Variants in SEMA5B observed in about 807,000 individuals in gnomAD.
SEMA5B encodes semaphorin 5B.
In SEMA5B, 66 loss-of-function variants were observed where a neutral mutation model predicts 135.0. The observed-to-expected ratio is 0.49, with a 90% CI of 0.40 to 0.60. The LOEUF (loss-of-function observed/expected upper bound fraction) is 0.60, where lower values mean the gene tolerates loss of function less well. Ranked by LOEUF, SEMA5B falls within the 20% of genes least tolerant of loss-of-function variation. SEMA5B has a pLI of 0.00. For synonymous variants in SEMA5B, 690 were observed against 639.5 expected, an observed-to-expected ratio of 1.08 and a Z score of -1.19; for missense variants, 1,501 against 1,566.3, an observed-to-expected ratio of 0.96 and a Z score of 0.70.
At chr3:123,008,798 A>G (rs1374305605) in intron 1 of SEMA5B, among the ~76,000 whole-genome samples, 1 of 152,150 alleles carries the variant, frequency 6.6e-6, no homozygotes, top group Non-Finnish European at 1.5e-5. Flanking sequence ...TGGCTATCCA[A>G]GCAGCAGGTA....
intron 7 of SEMA5B, 36 bp downstream of exon 7, chr3:122,928,481 T>C: frequency 6.7e-7 from 1 of 1,496,980 alleles, no homozygotes; most frequent in Non-Finnish European, 9.0e-7. Flanking sequence ...CCCGGCATGG[T>C]GCCCCCTTCA....
intron 5 of SEMA5B, among the ~76,000 whole-genome samples, chr3:122,937,747 C>T (rs950665852): frequency 2.6e-5 from 4 of 152,204 alleles, no homozygotes; most frequent in African/African-American, 4.8e-5. Flanking sequence ...AGTCATCAAG[C>T]GCAGTCTTAA....
intron 15 of SEMA5B, 58 bp downstream of exon 15, chr3:122,913,800 C>A: frequency 2.6e-6 from 4 of 1,566,266 alleles, no homozygotes; most frequent in South Asian, 2.4e-5. Context: ...AGAATCCAGG[C>A]CACTTTCTGG....
intron 11 of SEMA5B, 31 bp from the exon 12 acceptor site, chr3:122,922,153 G>A (rs1404150108): frequency 6.5e-7 from 1 of 1,544,946 alleles, no homozygotes; most frequent in Non-Finnish European, 8.8e-7. Context: ...GACCAAGGTG[G>A]CCTTGAAGGC....
intron 1 of SEMA5B, among the ~76,000 whole-genome samples, chr3:123,003,322 C>T (rs551511917): frequency 1.3e-5 from 2 of 152,188 alleles, no homozygotes; most frequent in Admixed American, 6.5e-5. Flanking sequence ...ATTAGTTCAT[C>T]CACTCAGTAT....
intron 1 of SEMA5B, among the ~76,000 whole-genome samples, chr3:123,012,656 G>C (rs1379298443): frequency 6.6e-6 from 1 of 152,192 alleles, no homozygotes. Context: ...AGGTTAATTA[G>C]GTGTGCAGCC....
chr3:123,000,123 G>A (rs1013769209), intron 1 of SEMA5B, among the ~76,000 whole-genome samples: 5 of 152,172 alleles, frequency 3.3e-5, no homozygotes, highest in Admixed American at 6.5e-5. Context: ...CAGGAGACTC[G>A]CTTGGACCCA....
At chr3:122,937,662 T>G (rs1019483688) in intron 5 of SEMA5B, among the ~76,000 whole-genome samples, 8 of 152,132 alleles carry the variant, frequency 5.3e-5, no homozygotes, top group African/African-American at 1.9e-4. Flanking sequence ...GCCTGAGCTA[T>G]GGGCTGCCAT....
chr3:122,938,844 G>C (rs1379792109), intron 5 of SEMA5B, among the ~76,000 whole-genome samples: 2 of 152,254 alleles, frequency 1.3e-5, no homozygotes, highest in African/African-American at 2.4e-5. Flanking sequence ...GGACCAAGGA[G>C]TCCCATTAAA....
chr3:122,988,900 AATGAATGCAGGC>A (rs775240847), intron 1 of SEMA5B, among the ~76,000 whole-genome samples: 9 of 152,230 alleles, frequency 5.9e-5, no homozygotes, highest in Non-Finnish European at 5.9e-5. Context: ...TGGATAAAGA[AATGAATGCAGGC>A]ATGAATGCAG....
intron 1 of SEMA5B, among the ~76,000 whole-genome samples, chr3:123,018,524 A>G (rs765200956): frequency 5.9e-5 from 9 of 152,294 alleles, no homozygotes; most frequent in Non-Finnish European, 1.2e-4. Context: ...TCAAATCCAT[A>G]TTCATAAATA....
intron 2 of SEMA5B, among the ~76,000 whole-genome samples, chr3:122,956,182 T>A (rs2107584639): frequency 6.6e-6 from 1 of 152,322 alleles, no homozygotes; most frequent in South Asian, 2.1e-4. Flanking sequence ...TTTTGGGAAA[T>A]CTTCAGCAGT....
intron 1 of SEMA5B, among the ~76,000 whole-genome samples, chr3:123,001,584 T>TA (rs1334642587): frequency 6.6e-6 from 1 of 152,230 alleles, no homozygotes; most frequent in African/African-American, 2.4e-5. Context: ...AATGTATTTA[T>TA]AATGTACTGA....
rs367978585 is a variant in SEMA5B, at chr3:122,911,504, G to A, written c.3078C>T (p.Ala1026=). 75 of 1,609,846 alleles carry A rather than the reference G, an allele frequency of 4.7e-5. No homozygotes were observed. Among genetic ancestry groups the A allele is most frequent in the Non-Finnish European group, 6.1e-5 (72 of 1,178,832 alleles). The stretch of plus-strand genomic sequence containing the variant: ...GGTTTCTTTTACCTGCACAGTCGGT[G>A]GCCTCCTCCATGCTGGAGGCTGGCA... ...VILPASSMEE[A]TDCAGFNLIH... Residue 1026 remains alanine (A), a synonymous_variant, in exon 21 of 23, where the codon GCC becomes GCT. Transcript: ENST00000357599.
intron 1 of SEMA5B, among the ~76,000 whole-genome samples, chr3:123,021,945 A>G (rs531571403): frequency 1.3e-5 from 2 of 151,732 alleles, no homozygotes; most frequent in Middle Eastern, 3.4e-3. Context: ...AGTCGGTCAG[A>G]TGGGTTAACA....
At chr3:122,972,760 C>T (rs924600709) in intron 1 of SEMA5B, among the ~76,000 whole-genome samples, 4 of 152,182 alleles carry the variant, frequency 2.6e-5, no homozygotes, top group African/African-American at 4.8e-5. Flanking sequence ...TTCACAACCA[C>T]GATGCCATCA....
chr3:122,934,800 G>T lies in SEMA5B; in HGVS notation c.474+4625C>A, dbSNP rs567195436. ...GGAGGCTGAGGCAGCAGGACAGCTT[G>T]AGGCCAAGAGTTGGAGGCTGCAGTG... On this transcript the variant is annotated intron_variant, in intron 5 of 22. Transcript: ENST00000357599. Among the ~76,000 whole-genome samples the T allele has an allele frequency of 1.4e-3, 208 of 151,172 alleles. 1 individual carries two copies. The highest frequency in any genetic ancestry group is 2.4e-3 in the Non-Finnish European group (164 of 67,944).
At chr3:122,962,173 T>C (rs1332197867) in intron 1 of SEMA5B, among the ~76,000 whole-genome samples, 5 of 152,208 alleles carry the variant, frequency 3.3e-5, no homozygotes, top group African/African-American at 1.2e-4. Context: ...GATTAGGACA[T>C]GGACATCTTT....
intron 1 of SEMA5B, among the ~76,000 whole-genome samples, chr3:123,012,966 G>C (rs1466414724): frequency 6.6e-6 from 1 of 152,220 alleles, no homozygotes; most frequent in East Asian, 1.9e-4. Flanking sequence ...ACAGAGCCTT[G>C]AGTTGCCTCC....
Sources: gnomAD v4.1 joint callset for allele counts (sites outside exome capture counted in the v4.1 genomes callset) on GRCh38, gnomAD v4.1.1 for gene constraint, MANE v1.5 for transcripts, NCBI Gene and HGNC (gene_info 2026-07-23, HGNC 2026-07-21) for gene names.